The following CENPE variants were observed in gnomAD, a reference collection of about 807,000 sequenced individuals.
CENPE encodes the protein centromere-associated protein E.
CENPE carries 145 observed loss-of-function variants against 336.1 expected under a neutral mutation model. The ratio of observed to expected loss-of-function variants is 0.43; its 90% CI spans 0.38 to 0.50. The LOEUF is 0.50. CENPE is among the 20% of genes least tolerant of loss of function. The probability of loss-of-function intolerance (pLI) is 0.00; values close to 1 mark genes in which losing one functional copy is unlikely to be tolerated. For synonymous variants in CENPE, 1,013 were observed against 984.8 expected, an observed-to-expected ratio of 1.03 and a Z score of -0.54; for missense variants, 2,719 against 3,023.3, an observed-to-expected ratio of 0.90 and a Z score of 2.36.
At chr4:103,118,635 CA>C (rs1479165006) in intron 44 of CENPE, among the ~76,000 whole-genome samples, 11 of 152,124 alleles carry the variant, frequency 7.2e-5, no homozygotes, top group African/African-American at 2.7e-4. Flanking sequence ...TCTCCTATGT[CA>C]TCTTCTTGGA....
At chr4:103,172,215 A>G (rs1055206038) in intron 16 of CENPE, among the ~76,000 whole-genome samples, 3 of 152,084 alleles carry the variant, frequency 2.0e-5, no homozygotes, top group Non-Finnish European at 2.9e-5. Context: ...ACAAAATACT[A>G]TAAAACTGAA....
chr4:103,141,950 A>G, intron 34 of CENPE, 42 bp from the exon 35 acceptor site: 3 of 1,215,442 alleles, frequency 2.5e-6, no homozygotes, highest in Non-Finnish European at 3.5e-6. Context: ...ACATATCTTA[A>G]TATTAGTTTT....
At chr4:103,124,466 A>G (rs1578557876) in intron 42 of CENPE, among the ~76,000 whole-genome samples, 2 of 152,348 alleles carry the variant, frequency 1.3e-5, no homozygotes, top group African/African-American at 4.8e-5. Flanking sequence ...TAAAATCATT[A>G]TATATGCTAT....
At chr4:103,172,487 A>C (rs925983884) in intron 16 of CENPE, among the ~76,000 whole-genome samples, 1 of 152,070 alleles carries the variant, frequency 6.6e-6, no homozygotes, top group Non-Finnish European at 1.5e-5. Context: ...CCCACTGCTA[A>C]TGTAATACCA....
chr4:103,158,475 T>C lies in CENPE; in HGVS notation c.2875-17A>G. Reference sequence around the variant, plus strand: ...ATCTATATTCTTTGTTAGAAAAATATAAAAACAATTTCCATTAGAATATGA... The same window carrying C: ...ATCTATATTCTTTGTTAGAAAAATACAAAAACAATTTCCATTAGAATATGA... On this transcript the variant is annotated splice_polypyrimidine_tract_variant and intron_variant, in intron 23 of 48. Transcript: ENST00000265148. 2 of 1,527,988 alleles carry C rather than the reference T, an allele frequency of 1.3e-6. No individual in the cohort carries two copies. Among genetic ancestry groups the C allele is most frequent in the African/African-American group, 1.4e-5 (1 of 71,192 alleles). The allele number at this position is 1,527,988 out of a possible 1,614,324, so 94.7% of individuals were successfully genotyped here. A position where few individuals can be genotyped will look rare whatever the true frequency, so the allele number is the denominator to read the frequency against.
chr4:103,113,463 A>G (rs760351878), intron 46 of CENPE, among the ~76,000 whole-genome samples: 8 of 141,358 alleles, frequency 5.7e-5, no homozygotes, highest in Non-Finnish European at 1.1e-4. Flanking sequence ...TTACTTATAT[A>G]TAATATATAA....
At chr4:103,177,753 C>G (rs193229316) in intron 13 of CENPE, among the ~76,000 whole-genome samples, 23 of 151,998 alleles carry the variant, frequency 1.5e-4, no homozygotes, top group South Asian at 6.2e-4. Flanking sequence ...ATACTGCATA[C>G]TGTCATGCCT....
intron 44 of CENPE, among the ~76,000 whole-genome samples, chr4:103,118,281 T>C (rs1201665006): frequency 6.6e-6 from 1 of 152,148 alleles, no homozygotes; most frequent in African/African-American, 2.4e-5. Context: ...TTTGTAATGG[T>C]CGATTATTTT....
rs951031974 is a variant in CENPE, at chr4:103,165,286, A to C, written c.1648-1733T>G. Among the ~76,000 whole-genome samples, 5 of 152,212 alleles carry C rather than the reference A, an allele frequency of 3.3e-5. No individual in the cohort carries two copies. In the South Asian group the frequency reaches 6.2e-4, roughly 19 times the overall value. ...TATTTAACTTACATCTCCAAGTAGTAAAAATTATAAAATTAAATACACCAA... is the reference window on the plus strand; with the variant it reads ...TATTTAACTTACATCTCCAAGTAGTCAAAATTATAAAATTAAATACACCAA... On this transcript the variant is annotated intron_variant, in intron 16 of 48. Coordinates refer to ENST00000265148, the MANE Select transcript of CENPE (RefSeq NM_001813.3).
intron 24 of CENPE, 43 bp from the exon 25 acceptor site, chr4:103,153,293 A>T: frequency 7.6e-7 from 1 of 1,319,242 alleles, no homozygotes; most frequent in Non-Finnish European, 1.1e-6. Context: ...TAAGTAGTTA[A>T]CAACAACTTT....
At chr4:103,153,319 T>G in intron 24 of CENPE, 69 bp from the exon 25 acceptor site, 1 of 978,640 alleles carries the variant, frequency 1.0e-6, no homozygotes, top group Non-Finnish European at 1.5e-6. Flanking sequence ...ATAATAAAAA[T>G]AGCCAACACA....
At chr4:103,185,668 T>C in intron 9 of CENPE, 142 bp downstream of exon 9, 1 of 496,800 alleles carries the variant, frequency 2.0e-6, no homozygotes, top group South Asian at 4.2e-5. Context: ...TAAACTTTTA[T>C]CAGAAAATCA....
At chr4:103,164,708 A>G (rs896102995) in intron 16 of CENPE, among the ~76,000 whole-genome samples, 2 of 152,130 alleles carry the variant, frequency 1.3e-5, no homozygotes, top group Non-Finnish European at 2.9e-5. Flanking sequence ...ACAATTTTAC[A>G]TTCTTTTTTA....
At chr4:103,146,781 T>G (rs1753090130) in intron 29 of CENPE, among the ~76,000 whole-genome samples, 1 of 152,078 alleles carries the variant, frequency 6.6e-6, no homozygotes, top group Non-Finnish European at 1.5e-5. Flanking sequence ...ATTAGAGAAG[T>G]CTAAGAATGA....
At chr4:103,116,408 T>C (rs1750115210) in intron 45 of CENPE, 169 bp downstream of exon 45, 2 of 418,812 alleles carry the variant, frequency 4.8e-6, no homozygotes, top group East Asian at 8.5e-5. Flanking sequence ...TTTGCATATG[T>C]AATGAGACCA....
At chr4:103,142,054 C>G in intron 34 of CENPE, 146 bp from the exon 35 acceptor site, 2 of 571,898 alleles carry the variant, frequency 3.5e-6, no homozygotes, top group Non-Finnish European at 5.9e-6. Flanking sequence ...TTTCTCTTCC[C>G]TGTCCTCCTC....
intron 4 of CENPE, among the ~76,000 whole-genome samples, 169 bp from the exon 5 acceptor site, chr4:103,195,402 C>T (rs1757661397): frequency 6.6e-6 from 1 of 152,012 alleles, no homozygotes; most frequent in Non-Finnish European, 1.5e-5. Context: ...AGCATCGTTA[C>T]AGAAATAATG....
intron 2 of CENPE, 54 bp downstream of exon 2, chr4:103,196,705 A>T: frequency 2.4e-6 from 2 of 840,448 alleles, no homozygotes; most frequent in Non-Finnish European, 3.9e-6. Context: ...AGCCTTTTGT[A>T]CTTTTAATAG....
intron 18 of CENPE, among the ~76,000 whole-genome samples, chr4:103,162,734 T>C: frequency 6.6e-6 from 1 of 152,038 alleles, no homozygotes; most frequent in Non-Finnish European, 1.5e-5. Flanking sequence ...TATTTTTGTA[T>C]ATTTTGTACA....
Sources: allele counts gnomAD v4.1 joint callset (sites outside exome capture counted in the v4.1 genomes callset), GRCh38; gene constraint gnomAD v4.1.1; transcripts MANE v1.5; gene names NCBI Gene and HGNC (gene_info 2026-07-23, HGNC 2026-07-21).